GABRA5: variants seen among roughly 807,000 people sequenced by gnomAD.
The protein encoded by GABRA5 is gamma-aminobutyric acid receptor subunit alpha-5.
In GABRA5, 18 loss-of-function variants were observed where a neutral mutation model predicts 47.3. The ratio of observed to expected loss-of-function variants is 0.38; its 90% confidence interval spans 0.26 to 0.56. The LOEUF (loss-of-function observed/expected upper bound fraction) is 0.56, where lower values mean the gene tolerates loss of function less well. GABRA5 is among the 20% of genes least tolerant of loss of function. GABRA5 has a pLI of 0.71. For synonymous variants in GABRA5, 237 were observed against 229.3 expected (o/e 1.03, Z -0.30); for missense variants, 365 against 599.3 (o/e 0.61, Z 4.08).
At chr15:26,879,790 T>A (rs147350759) in intron 3 of GABRA5, among the ~76,000 whole-genome samples, 85 of 152,272 alleles carry the variant, frequency 5.6e-4, no homozygotes, top group African/African-American at 1.9e-3. Context: ...GAAAGCACTT[T>A]AAGCACAGCT....
intron 8 of GABRA5, among the ~76,000 whole-genome samples, chr15:26,938,979 C>G (rs993124022): frequency 6.6e-6 from 1 of 152,200 alleles, no homozygotes; most frequent in African/African-American, 2.4e-5. Flanking sequence ...AGCAGCAGAC[C>G]ACTACTCTGA....
Position 26,883,501 on chromosome 15 carries a change from C to G in GABRA5, c.441C>G (p.Thr147=). The change falls in exon 6 of 11, where the codon ACC becomes ACG. Residue 147 remains threonine (T), a synonymous_variant. Coordinates refer to ENST00000335625, the MANE Select transcript of GABRA5 (RefSeq NM_000810.4). The surrounding 1 kb of genome is among the most constrained non-coding windows in gnomAD (Gnocchi z 4.8). ...NGKKSIAHNM[T]TPNKLLRLED... is the part of the protein sequence containing the mutation. ...AGAAGTCCATCGCTCACAACATGAC[C>G]ACGCCCAACAAGCTGCTGCGGCTGG... The G allele has an allele frequency of 6.2e-7, 1 of 1,614,086 alleles. No individual in the cohort carries two copies. Among genetic ancestry groups the G allele is most frequent in the Non-Finnish European group, 8.5e-7 (1 of 1,180,010 alleles).
chr15:26,939,104 T>C (rs1414393206), intron 8 of GABRA5: 15 of 681,020 alleles, frequency 2.2e-5, no homozygotes, highest in Non-Finnish European at 2.6e-6. Flanking sequence ...GCCAAAGTTT[T>C]TTGAATTGCT....
At chr15:26,895,826 A>AAGAAGAAG (rs1555390758) in intron 6 of GABRA5, among the ~76,000 whole-genome samples, 13 of 136,036 alleles carry the variant, frequency 9.6e-5, no homozygotes, top group South Asian at 7.3e-4. Context: ...AAAAAAAAAA[A>AAGAAGAAG]AAGAAGAAGA....
intron 7 of GABRA5, among the ~76,000 whole-genome samples, chr15:26,924,877 C>T (rs1893924272): frequency 6.6e-6 from 1 of 152,158 alleles, no homozygotes; most frequent in Non-Finnish European, 1.5e-5. Context: ...AGCTCCAAAC[C>T]TGGGATGTGT....
chr15:26,878,678 A>T (rs1039309016), intron 3 of GABRA5, among the ~76,000 whole-genome samples: 1 of 152,230 alleles, frequency 6.6e-6, no homozygotes. Flanking sequence ...AGATAAAGGC[A>T]AAAGGCAGTA....
chr15:26,879,950 T>C (rs546502286), intron 3 of GABRA5, among the ~76,000 whole-genome samples: 1 of 152,302 alleles, frequency 6.6e-6, no homozygotes, highest in Non-Finnish European at 1.5e-5. Flanking sequence ...TGCTCAGTAA[T>C]TCAAAACCAG....
intron 6 of GABRA5, among the ~76,000 whole-genome samples, chr15:26,887,999 C>G (rs964122890): frequency 6.6e-6 from 1 of 152,132 alleles, no homozygotes; most frequent in African/African-American, 2.4e-5. Context: ...AATGGGAAAT[C>G]CCTGCCATGT....
chr15:26,872,735 T>C (rs1460333537), intron 3 of GABRA5, among the ~76,000 whole-genome samples: 2 of 152,146 alleles, frequency 1.3e-5, no homozygotes, highest in African/African-American at 4.8e-5. Context: ...AGGAGGACTA[T>C]AGAGAATCAG....
At chr15:26,896,342 G>T (rs1236309913) in intron 6 of GABRA5, among the ~76,000 whole-genome samples, 7 of 152,142 alleles carry the variant, frequency 4.6e-5, no homozygotes, top group African/African-American at 1.7e-4. Context: ...CAACAATCAT[G>T]ATTCAACTAA....
At chr15:26,891,716 G>T (rs1893010837) in intron 6 of GABRA5, among the ~76,000 whole-genome samples, 1 of 152,198 alleles carries the variant, frequency 6.6e-6, no homozygotes, top group South Asian at 2.1e-4. Flanking sequence ...AGCCAGGGAG[G>T]CTGCGCTCAG....
At position 26,867,824 on chromosome 15, in the gene GABRA5, G is replaced by C. The variant is rs1892357413; in HGVS notation, c.-140+713G>C. On this transcript the variant is annotated intron_variant, in intron 1 of 10. Transcript: ENST00000335625. This position sits in a 1 kb window ranked among gnomAD's most constrained non-coding sequence, Gnocchi z 5.9. Reference sequence around the variant, plus strand: ...CGGGGGTGTCGCGCGCGTGTCGCGCGGGCTGCTCGAGGCCAGGGGACTTGG... The same window carrying C: ...CGGGGGTGTCGCGCGCGTGTCGCGCCGGCTGCTCGAGGCCAGGGGACTTGG... 6.6e-6 allele frequency: 1 copy of C among 152,118 alleles called. No homozygotes were observed. The highest frequency in any genetic ancestry group is 2.4e-5 in the African/African-American group (1 of 41,452). The allele number at this position is 152,118 out of a possible 1,614,324, so 9.4% of individuals were successfully genotyped here.
At chr15:26,876,502 T>C (rs544485238) in intron 3 of GABRA5, among the ~76,000 whole-genome samples, 5 of 151,756 alleles carry the variant, frequency 3.3e-5, no homozygotes, top group East Asian at 3.9e-4. Context: ...GTGGAAAGGA[T>C]TGTAGGAATG....
At chr15:26,897,585 G>T (rs971718056) in intron 6 of GABRA5, among the ~76,000 whole-genome samples, 8 of 152,178 alleles carry the variant, frequency 5.3e-5, no homozygotes, top group Admixed American at 4.6e-4. Context: ...CGGCAGATAC[G>T]CTGCATCAAC....
intron 3 of GABRA5, among the ~76,000 whole-genome samples, chr15:26,874,084 G>A (rs538524498): frequency 4.6e-5 from 7 of 152,314 alleles, no homozygotes; most frequent in East Asian, 3.9e-4. Flanking sequence ...GTGAGTCACC[G>A]ACTCCCTTCA....
At chr15:26,933,213 G>A (rs1375709976) in intron 7 of GABRA5, among the ~76,000 whole-genome samples, 1 of 152,142 alleles carries the variant, frequency 6.6e-6, no homozygotes, top group Non-Finnish European at 1.5e-5. Context: ...TTCCCATGAA[G>A]TCATTAGAAG....
chr15:26,911,373 A>T (rs901220109), intron 6 of GABRA5, among the ~76,000 whole-genome samples: 1 of 117,934 alleles, frequency 8.5e-6, no homozygotes, highest in Admixed American at 8.5e-5. Flanking sequence ...TGCTGCATGC[A>T]CACACACACA....
chr15:26,896,797 A>C (rs911719738), intron 6 of GABRA5, among the ~76,000 whole-genome samples: 1 of 152,202 alleles, frequency 6.6e-6, no homozygotes, highest in East Asian at 1.9e-4. Flanking sequence ...TGGTTAACCC[A>C]GTCATCACCA....
intron 6 of GABRA5, among the ~76,000 whole-genome samples, chr15:26,888,461 C>A (rs1395403586): frequency 6.6e-6 from 1 of 152,158 alleles, no homozygotes; most frequent in African/African-American, 2.4e-5. Context: ...CCTTCCTTTG[C>A]AGGGCTGGAG....
Sources: gnomAD v4.1 joint callset for allele counts (sites outside exome capture counted in the v4.1 genomes callset) on GRCh38, gnomAD v4.1.1 for gene constraint, Gnocchi (gnomAD v3.1) non-coding constraint, MANE v1.5 for transcripts, NCBI Gene and HGNC (gene_info 2026-07-23, HGNC 2026-07-21) for gene names.